Variants in SLC25A48 observed in about 807,000 individuals in gnomAD.
The protein encoded by SLC25A48 is CTC-321K16.1.
A neutral mutation model predicts 32.2 loss-of-function variants in SLC25A48; 29 were observed. The ratio of observed to expected loss-of-function variants is 0.90; its 90% CI spans 0.67 to 1.23. SLC25A48 has a LOEUF of 1.23. Among genes scored for constraint, SLC25A48 ranks in the 50% most tolerant of loss-of-function variants. The pLI, the probability that SLC25A48 is intolerant of heterozygous loss-of-function variation, is 0.00. For missense variants in SLC25A48, 399 were observed against 422.7 expected, an observed-to-expected ratio of 0.94 and a Z score of 0.49; for synonymous variants, 164 against 172.3, an observed-to-expected ratio of 0.95 and a Z score of 0.38.
chr5:135,796,007 C>T (rs551477736), intron 3 of SLC25A48, among the ~76,000 whole-genome samples: 1 of 26,130 alleles, frequency 3.8e-5, no homozygotes, highest in African/African-American at 9.1e-5. Context: ...CCCAGTATCG[C>T]GAGGGGGGGG....
chr5:135,797,391 A>C (rs747389160), intron 3 of SLC25A48, among the ~76,000 whole-genome samples: 1 of 151,960 alleles, frequency 6.6e-6, no homozygotes, highest in Non-Finnish European at 1.5e-5. Context: ...AGAGAGGATG[A>C]TAGTAATTCC....
In SLC25A48 at chr5:135,791,208, C is replaced by G. The variant is rs151031061; in HGVS notation, c.-520-21315C>G. Among the ~76,000 whole-genome samples the G allele has an allele frequency of 8.1e-3, 1,230 of 151,790 alleles. 23 individuals are homozygous for G. Among genetic ancestry groups the G allele is most frequent in the African/African-American group, 0.028 (1,166 of 41,386 alleles). ...ACCCTGTATCACAGTGGGTGTACAA[C>G]CTGTGATATTAGCAATAATATCCTA... On this transcript the variant is annotated intron_variant, in intron 3 of 10. Transcript: ENST00000646290.
intron 3 of SLC25A48, among the ~76,000 whole-genome samples, chr5:135,739,379 T>C (rs1755449586): frequency 6.6e-6 from 1 of 152,180 alleles, no homozygotes; most frequent in East Asian, 1.9e-4. Context: ...TACTCTTTGC[T>C]GTCTCATGGC....
intron 3 of SLC25A48, among the ~76,000 whole-genome samples, chr5:135,713,885 C>G (rs1754732797): frequency 3.9e-5 from 6 of 152,228 alleles, no homozygotes; most frequent in Admixed American, 2.6e-4. Context: ...CCTCGAGGAG[C>G]CTCCGTTGGG....
At chr5:135,851,127 A>C (rs1037715798) in intron 3 of SLC25A48, among the ~76,000 whole-genome samples, 15 of 152,348 alleles carry the variant, frequency 9.8e-5, no homozygotes, top group African/African-American at 3.6e-4. Flanking sequence ...ACCCTGTCGC[A>C]GCCCTCTGAC....
At chr5:135,747,917 A>C (rs994812959) in intron 3 of SLC25A48, among the ~76,000 whole-genome samples, 5 of 152,180 alleles carry the variant, frequency 3.3e-5, no homozygotes, top group Non-Finnish European at 7.4e-5. Context: ...AGGTCACACG[A>C]CTGGTGGCAG....
intron 3 of SLC25A48, among the ~76,000 whole-genome samples, chr5:135,794,133 A>G (rs1757105139): frequency 6.6e-6 from 1 of 151,908 alleles, no homozygotes; most frequent in Admixed American, 6.6e-5. Flanking sequence ...CAGGGGATGC[A>G]CATTCCCCAG....
intron 3 of SLC25A48, among the ~76,000 whole-genome samples, chr5:135,811,117 G>T (rs1185596024): frequency 2.6e-5 from 4 of 152,126 alleles, no homozygotes; most frequent in African/African-American, 9.7e-5. Flanking sequence ...GGGAGACATG[G>T]CATAGGTTTC....
At chr5:135,649,217 TG>T (rs1554118773) in intron 3 of SLC25A48, 5 of 152,166 alleles carry the variant, frequency 3.3e-5, no homozygotes, top group Non-Finnish European at 7.3e-5. Flanking sequence ...TCACTAGGTA[TG>T]GGGTCTTGTG....
chr5:135,747,908 G>T (rs1755677266), intron 3 of SLC25A48, among the ~76,000 whole-genome samples: 1 of 152,192 alleles, frequency 6.6e-6, no homozygotes, highest in Non-Finnish European at 1.5e-5. Context: ...ACTTTCCTAA[G>T]GTCACACGAC....
chr5:135,801,680 C>T (rs538994511), intron 3 of SLC25A48, among the ~76,000 whole-genome samples: 83 of 150,994 alleles, frequency 5.5e-4, no homozygotes, highest in Admixed American at 1.1e-3. Flanking sequence ...AATACACTCC[C>T]TATAATAAGG....
intron 7 of SLC25A48, among the ~76,000 whole-genome samples, chr5:135,885,881 A>T (rs1762695073): frequency 1.3e-5 from 2 of 152,200 alleles, no homozygotes; most frequent in Non-Finnish European, 2.9e-5. Flanking sequence ...TGTCAGCAAC[A>T]TTGTAAGTGC....
rs113860441 is a variant in SLC25A48, at chr5:135,608,606, G to A, written c.-848-20631G>A. Reference sequence around the variant, plus strand: ...CCAGCCATGGCTCTGCAGTTACAGGGCACATGCTGGAGCATGCAGGTCAGT... The same window carrying A: ...CCAGCCATGGCTCTGCAGTTACAGGACACATGCTGGAGCATGCAGGTCAGT... On this transcript the variant is annotated intron_variant, in intron 1 of 10. Coordinates refer to the SLC25A48 transcript ENST00000646290. Among the ~76,000 whole-genome samples the A allele has an allele frequency of 6.9e-3, 1,052 of 152,316 alleles. 17 individuals carry two copies. The highest frequency in any genetic ancestry group is 0.024 in the African/African-American group (1,017 of 41,572).
At chr5:135,707,549 A>C (rs1273994423) in intron 3 of SLC25A48, among the ~76,000 whole-genome samples, 1 of 152,090 alleles carries the variant, frequency 6.6e-6, no homozygotes, top group East Asian at 1.9e-4. Context: ...CAGCCCACCA[A>C]GCACACTGCT....
At chr5:135,855,068 A>G (rs946943950) in intron 4 of SLC25A48, among the ~76,000 whole-genome samples, 8 of 152,244 alleles carry the variant, frequency 5.3e-5, no homozygotes, top group African/African-American at 1.9e-4. Context: ...ACTCTCTTAT[A>G]TGGACACAGC....
At chr5:135,865,739 AG>A (rs1325059086) in intron 4 of SLC25A48, among the ~76,000 whole-genome samples, 1 of 152,200 alleles carries the variant, frequency 6.6e-6, no homozygotes, top group Admixed American at 6.5e-5. Context: ...AAGCCATACT[AG>A]GGGGCACAGC....
chr5:135,872,046 G>A, intron 5 of SLC25A48: 1 of 1,224,608 alleles, frequency 8.2e-7, no homozygotes, highest in Non-Finnish European at 1.0e-6. Flanking sequence ...TCTTTGTAAT[G>A]TAAGGATGCC....
chr5:135,657,984 A>G (rs951680244), intron 3 of SLC25A48, among the ~76,000 whole-genome samples: 6 of 152,302 alleles, frequency 3.9e-5, no homozygotes, highest in Non-Finnish European at 7.4e-5. Flanking sequence ...TAGACATGAG[A>G]TTTAGGTGGG....
chr5:135,645,747 A>G (rs556490659), intron 3 of SLC25A48, among the ~76,000 whole-genome samples: 14 of 152,326 alleles, frequency 9.2e-5, no homozygotes, highest in African/African-American at 2.9e-4. Flanking sequence ...CAGCTGCTTC[A>G]TAGTTCCAGC....
Sources: gnomAD v4.1 joint callset for allele counts (sites outside exome capture counted in the v4.1 genomes callset) on GRCh38, gnomAD v4.1.1 for gene constraint, MANE v1.5 for transcripts, NCBI Gene and HGNC (gene_info 2026-07-23, HGNC 2026-07-21) for gene names.